Variants in PCDH7 observed in about 807,000 individuals in gnomAD.
PCDH7 encodes protocadherin 7.
In PCDH7, 17 loss-of-function variants were observed where a neutral mutation model predicts 58.9. That is an observed-to-expected ratio of 0.29 (90% CI 0.20 to 0.43). The LOEUF (loss-of-function observed/expected upper bound fraction) is 0.43, where lower values mean the gene tolerates loss of function less well. PCDH7 is among the 20% of genes least tolerant of loss of function. The pLI is 1.00. For missense variants in PCDH7, 1,274 were observed against 1,441.0 expected (o/e 0.88, Z 1.88); for synonymous variants, 664 against 616.4 (o/e 1.08, Z -1.14).
chr4:31,083,510 C>T (rs1486737058), intron 3 of PCDH7, among the ~76,000 whole-genome samples: 1 of 152,116 alleles, frequency 6.6e-6, no homozygotes, highest in Non-Finnish European at 1.5e-5. Flanking sequence ...TAATAGAAAG[C>T]ATCTTTTTTG....
chr4:30,924,836 AT>A (rs1332302963), intron 2 of PCDH7, among the ~76,000 whole-genome samples: 1 of 152,126 alleles, frequency 6.6e-6, no homozygotes, highest in Non-Finnish European at 1.5e-5. Flanking sequence ...AAGGTAGGAA[AT>A]AATATATATT....
intron 3 of PCDH7, among the ~76,000 whole-genome samples, chr4:31,022,881 G>A (rs935096191): frequency 2.0e-5 from 3 of 152,124 alleles, no homozygotes; most frequent in Non-Finnish European, 4.4e-5. Flanking sequence ...AATACGGTGA[G>A]TGTGATAAGG....
At chr4:30,991,358 A>T (rs1751449263) in intron 3 of PCDH7, among the ~76,000 whole-genome samples, 1 of 152,198 alleles carries the variant, frequency 6.6e-6, no homozygotes, top group Non-Finnish European at 1.5e-5. Flanking sequence ...CAAACAGTTC[A>T]TCTTCCTCCA....
intron 3 of PCDH7, among the ~76,000 whole-genome samples, chr4:31,040,764 TA>T (rs1316727537): frequency 6.6e-6 from 1 of 152,184 alleles, no homozygotes; most frequent in East Asian, 1.9e-4. Context: ...GACTATTTTT[TA>T]AGACCCAATT....
chr4:31,104,229 C>T (rs532564424), intron 3 of PCDH7, among the ~76,000 whole-genome samples: 1 of 152,302 alleles, frequency 6.6e-6, no homozygotes, highest in South Asian at 2.1e-4. Flanking sequence ...ACCACCATAG[C>T]ACCCAGAATG....
At chr4:30,991,387 G>A (rs1033011651) in intron 3 of PCDH7, among the ~76,000 whole-genome samples, 9 of 152,150 alleles carry the variant, frequency 5.9e-5, no homozygotes, top group Admixed American at 5.2e-4. Flanking sequence ...TGTTGTGAGA[G>A]GGAGGAAAGA....
intron 3 of PCDH7, among the ~76,000 whole-genome samples, chr4:30,963,095 A>G (rs1474943321): frequency 6.6e-6 from 1 of 152,228 alleles, no homozygotes; most frequent in Non-Finnish European, 1.5e-5. Context: ...AACTGAAGCC[A>G]TCATATGAAA....
At chr4:31,146,068 G>C (rs1039850623), downstream of PCDH7, 2 of 152,038 alleles carry the variant, frequency 1.3e-5, no homozygotes, top group Non-Finnish European at 2.9e-5. Flanking sequence ...TGAATCTCCA[G>C]ATATCATTTC....
chr4:30,833,300 G>A (rs1730043081), intron 1 of PCDH7, among the ~76,000 whole-genome samples: 1 of 152,106 alleles, frequency 6.6e-6, no homozygotes, highest in African/African-American at 2.4e-5. Context: ...GGAGGCTCTA[G>A]GGGAGGATAT....
chr4:30,906,785 G>A (rs1001896551), intron 1 of PCDH7, among the ~76,000 whole-genome samples: 4 of 152,130 alleles, frequency 2.6e-5, no homozygotes, highest in African/African-American at 4.8e-5. Flanking sequence ...CAGTTAGGGA[G>A]GCCGAGGCAG....
chr4:31,123,602 C>T (rs1467675033), intron 3 of PCDH7, among the ~76,000 whole-genome samples: 1 of 152,170 alleles, frequency 6.6e-6, no homozygotes, highest in Non-Finnish European at 1.5e-5. Flanking sequence ...GTGTGTGTTA[C>T]AAACAGTGCT....
intron 1 of PCDH7, among the ~76,000 whole-genome samples, chr4:30,762,571 A>G (rs1226988788): frequency 6.6e-6 from 1 of 152,214 alleles, no homozygotes; most frequent in Admixed American, 6.5e-5. Flanking sequence ...TTTGCTTTTA[A>G]TATTGCTGAA....
intron 3 of PCDH7, among the ~76,000 whole-genome samples, chr4:30,973,691 G>A (rs1159700119): frequency 2.0e-5 from 3 of 151,982 alleles, no homozygotes; most frequent in African/African-American, 4.8e-5. Flanking sequence ...AGCAATACAT[G>A]TCACAGTCTC....
chr4:31,044,707 T>C (rs150692434), intron 3 of PCDH7, among the ~76,000 whole-genome samples: 1 of 152,212 alleles, frequency 6.6e-6, no homozygotes, highest in African/African-American at 2.4e-5. Context: ...AGTAATATAA[T>C]TTGGTGTTTT....
intron 1 of PCDH7, among the ~76,000 whole-genome samples, chr4:30,791,033 C>T (rs749468354): frequency 3.9e-5 from 6 of 152,094 alleles, no homozygotes; most frequent in South Asian, 4.1e-4. Flanking sequence ...GTGGGCTTAA[C>T]GTATGTTCCT....
chr4:31,057,973 C>T (rs559417776), intron 3 of PCDH7, among the ~76,000 whole-genome samples: 3 of 152,114 alleles, frequency 2.0e-5, no homozygotes, highest in Admixed American at 1.3e-4. Context: ...AGTGGATGCT[C>T]ACAGGAGAGT....
intron 3 of PCDH7, among the ~76,000 whole-genome samples, chr4:31,135,107 G>T (rs1478521961): frequency 1.3e-5 from 2 of 152,232 alleles, no homozygotes; most frequent in African/African-American, 2.4e-5. Flanking sequence ...GATGTATGGT[G>T]CATTTTAGGT....
downstream of PCDH7, chr4:31,143,094 C>G (rs992435748): frequency 2.0e-5 from 3 of 149,902 alleles, no homozygotes; most frequent in African/African-American, 7.9e-5. Flanking sequence ...CACTCACTTT[C>G]TCTTCCCCAC....
chr4:31,119,733 T>A (rs1717424917), intron 3 of PCDH7, among the ~76,000 whole-genome samples: 1 of 152,138 alleles, frequency 6.6e-6, no homozygotes, highest in Admixed American at 6.6e-5. Context: ...GTGCAATGGT[T>A]TGCTAGTGCT....
Sources: gnomAD v4.1 joint callset for allele counts (sites outside exome capture counted in the v4.1 genomes callset) on GRCh38, gnomAD v4.1.1 for gene constraint, MANE v1.5 for transcripts, NCBI Gene and HGNC (gene_info 2026-07-23, HGNC 2026-07-21) for gene names.